Variants in ZBBX observed in about 807,000 individuals in gnomAD.
ZBBX encodes zinc finger B-box domain containing, also known as zinc finger B-box domain-containing protein 1.
Under a neutral mutation model 108.5 loss-of-function variants are expected in ZBBX, and 101 were observed. The observed-to-expected ratio is 0.93, with a 90% CI of 0.79 to 1.10. The LOEUF (loss-of-function observed/expected upper bound fraction) is 1.10, where lower values mean the gene tolerates loss of function less well. Among genes scored for constraint, ZBBX ranks in the 50% least tolerant of loss-of-function variants. ZBBX has a pLI of 0.00. For synonymous variants in ZBBX, 356 were observed against 323.4 expected, an observed-to-expected ratio of 1.10 and a Z score of -1.08; for missense variants, 1,009 against 941.4, an observed-to-expected ratio of 1.07 and a Z score of -0.94.
intron 19 of ZBBX, among the ~76,000 whole-genome samples, chr3:167,284,647 A>T (rs1441609201): frequency 6.6e-6 from 1 of 152,202 alleles, no homozygotes; most frequent in Non-Finnish European, 1.5e-5. Flanking sequence ...CAGTATTTAA[A>T]GGTAATTGAT....
At chr3:167,322,300 T>C in intron 11 of ZBBX, 63 bp from the exon 12 acceptor site, 1 of 1,327,906 alleles carries the variant, frequency 7.5e-7, no homozygotes, top group South Asian at 2.1e-5. Flanking sequence ...CTATATCTTC[T>C]CTTAAGATGT....
At chr3:167,294,162 C>A (rs1367905745) in intron 18 of ZBBX, among the ~76,000 whole-genome samples, 4 of 152,036 alleles carry the variant, frequency 2.6e-5, no homozygotes, top group African/African-American at 9.7e-5. Context: ...ATCAAGTTAA[C>A]ATTAACTTCT....
At chr3:167,377,883 C>T (rs1199029461) in intron 2 of ZBBX, among the ~76,000 whole-genome samples, 1 of 152,044 alleles carries the variant, frequency 6.6e-6, no homozygotes, top group Non-Finnish European at 1.5e-5. Context: ...CCATAATTCC[C>T]ACATGTGGTG....
chr3:167,182,966 C>A, the ZBBX span, among the ~76,000 whole-genome samples: 1 of 152,154 alleles, frequency 6.6e-6, no homozygotes, highest in East Asian at 1.9e-4. Flanking sequence ...TGCTGAATTC[C>A]TGCCCGAATA....
chr3:167,395,271 T>C (rs17472489), intron 1 of ZBBX, among the ~76,000 whole-genome samples: 4,292 of 152,152 alleles, frequency 0.028, 92 homozygotes, highest in Non-Finnish European at 0.042. Context: ...GGAAATAATG[T>C]TCTTGAATAT....
the ZBBX span, among the ~76,000 whole-genome samples, chr3:167,221,089 A>G: frequency 6.6e-6 from 1 of 152,006 alleles, no homozygotes; most frequent in Non-Finnish European, 1.5e-5. Flanking sequence ...AAGATATTTT[A>G]TGTTCATGGA....
the ZBBX span, among the ~76,000 whole-genome samples, chr3:167,194,304 T>G: frequency 6.6e-6 from 1 of 150,860 alleles, no homozygotes. Flanking sequence ...AAAAGCTCAG[T>G]TTACTTGCAT....
rs1227790587 is a variant in ZBBX, at chr3:167,380,276, C to T, written c.-316G>A. 6.6e-6 allele frequency: 1 copy of T among 152,306 alleles called. No homozygotes were observed. Among genetic ancestry groups the T allele is most frequent in the African/African-American group, 2.4e-5 (1 of 41,466 alleles). The allele number at this position is 152,306 out of a possible 1,614,324, so 9.4% of individuals were successfully genotyped here. On this transcript the variant is annotated 5_prime_UTR_variant, in exon 1 of 22. Coordinates refer to ENST00000675490, the MANE Select transcript of ZBBX (RefSeq NM_001199201.2). ...AGACCCCAGCCTCTCGCGTCACCAC[C>T]GCCGGATGGCCGCGGATAGCTGCCG...
At chr3:167,206,683 C>CA in the ZBBX span, among the ~76,000 whole-genome samples, 3 of 151,692 alleles carry the variant, frequency 2.0e-5, no homozygotes, top group Non-Finnish European at 4.4e-5. Context: ...CCCCTAATAG[C>CA]AAAAACAGTC....
chr3:167,241,600 A>C (rs1720689226), intron 21 of ZBBX, among the ~76,000 whole-genome samples: 1 of 152,206 alleles, frequency 6.6e-6, no homozygotes, highest in Non-Finnish European at 1.5e-5. Flanking sequence ...AAATGCAAAA[A>C]TCCAGGCTGA....
intron 9 of ZBBX, among the ~76,000 whole-genome samples, chr3:167,347,629 T>C (rs1286996148): frequency 1.3e-5 from 2 of 152,076 alleles, no homozygotes; most frequent in Non-Finnish European, 2.9e-5. Flanking sequence ...TTCAAAGTAC[T>C]TTATTCCTTA....
intron 20 of ZBBX, among the ~76,000 whole-genome samples, chr3:167,278,992 A>G (rs1728236052): frequency 6.6e-6 from 1 of 152,202 alleles, no homozygotes; most frequent in African/African-American, 2.4e-5. Flanking sequence ...AGAACCAAAG[A>G]CAAAAACCAC....
the ZBBX span, among the ~76,000 whole-genome samples, chr3:167,211,232 T>C: frequency 6.6e-6 from 1 of 152,172 alleles, no homozygotes; most frequent in Non-Finnish European, 1.5e-5. Context: ...TTGCAGATCA[T>C]TGCAACTCTC....
At chr3:167,293,713 A>G (rs1731121637) in intron 18 of ZBBX, among the ~76,000 whole-genome samples, 1 of 152,216 alleles carries the variant, frequency 6.6e-6, no homozygotes. Flanking sequence ...AGGCAAGAGA[A>G]AGAAATTAAG....
intron 11 of ZBBX, among the ~76,000 whole-genome samples, chr3:167,325,268 A>C (rs1374335466): frequency 6.6e-6 from 1 of 152,136 alleles, no homozygotes; most frequent in Non-Finnish European, 1.5e-5. Flanking sequence ...AAAGAGGTTT[A>C]ATTGATTCAT....
At chr3:167,302,448 A>C (rs1294832495) in intron 17 of ZBBX, among the ~76,000 whole-genome samples, 1 of 151,904 alleles carries the variant, frequency 6.6e-6, no homozygotes, top group Non-Finnish European at 1.5e-5. Context: ...TATTACCTTA[A>C]ATTTTTTTTT....
chr3:167,330,945 T>TTCTCTCTCTCTCTCTTTC (rs1553820806), intron 10 of ZBBX, among the ~76,000 whole-genome samples: 9 of 87,210 alleles, frequency 1.0e-4, no homozygotes, highest in South Asian at 5.1e-4. Context: ...CTCTCTTTCT[T>TTCTCTCTCTCTCTCTTTC]TCTCTCTCTC....
intron 5 of ZBBX, among the ~76,000 whole-genome samples, 155 bp from the exon 6 acceptor site, chr3:167,366,131 C>T (rs1028115404): frequency 6.6e-6 from 1 of 151,758 alleles, no homozygotes; most frequent in African/African-American, 2.4e-5. Context: ...AATAATGTCA[C>T]AATATCCTCA....
chr3:167,381,203 T>A (rs919570312), upstream of ZBBX: 3 of 152,152 alleles, frequency 2.0e-5, no homozygotes, highest in Non-Finnish European at 4.4e-5. Flanking sequence ...CTTGGCATAT[T>A]CAATTATATA....
Sources: gnomAD v4.1 joint callset for allele counts (sites outside exome capture counted in the v4.1 genomes callset) on GRCh38, gnomAD v4.1.1 for gene constraint, MANE v1.5 for transcripts, NCBI Gene and HGNC (gene_info 2026-07-23, HGNC 2026-07-21) for gene names.